Variants in KCNMB2 observed in about 807,000 individuals in gnomAD.
KCNMB2 encodes the protein potassium calcium-activated channel subfamily M regulatory beta subunit 2, also known as calcium-activated potassium channel subunit beta-2.
Under a neutral mutation model 24.5 loss-of-function variants are expected in KCNMB2, and 9 were observed. The ratio of observed to expected loss-of-function variants is 0.37; its 90% confidence interval spans 0.22 to 0.64. The LOEUF (loss-of-function observed/expected upper bound fraction) is 0.64. Among genes scored for constraint, KCNMB2 ranks in the 30% least tolerant of loss-of-function variants. The pLI, the probability that KCNMB2 is intolerant of heterozygous loss-of-function variation, is 0.63. For synonymous variants in KCNMB2, 109 were observed against 104.4 expected (o/e 1.04, Z -0.27); for missense variants, 226 against 284.3 (o/e 0.79, Z 1.47).
chr3:178,727,293 T>C (rs13082447), intron 1 of KCNMB2, among the ~76,000 whole-genome samples: 17,720 of 152,088 alleles, frequency 0.12, 1,113 homozygotes, highest in Non-Finnish European at 0.14. Context: ...TGAATAATTT[T>C]AGTTTCGCCT....
intron 1 of KCNMB2, among the ~76,000 whole-genome samples, chr3:178,761,562 TTTTGCC>T (rs1409143654): frequency 1.3e-5 from 2 of 152,166 alleles, no homozygotes; most frequent in Non-Finnish European, 2.9e-5. Flanking sequence ...TGGCTTGTCA[TTTTGCC>T]TTTTCGTGCC....
intron 1 of KCNMB2, among the ~76,000 whole-genome samples, chr3:178,654,139 A>G (rs904419803): frequency 3.9e-5 from 6 of 152,158 alleles, no homozygotes; most frequent in African/African-American, 1.4e-4. Context: ...AGTGTTTTAC[A>G]TGATTATTCT....
intron 1 of KCNMB2, among the ~76,000 whole-genome samples, chr3:178,578,809 A>G (rs1717090784): frequency 6.6e-6 from 1 of 152,260 alleles, no homozygotes; most frequent in African/African-American, 2.4e-5. Flanking sequence ...AGATCAATGT[A>G]ATGAGAAGAG....
chr3:178,734,288 T>A (rs563665007), intron 1 of KCNMB2, among the ~76,000 whole-genome samples: 5 of 152,356 alleles, frequency 3.3e-5, no homozygotes, highest in African/African-American at 1.2e-4. Context: ...TTTCCACTTG[T>A]GGCATCATGC....
intron 4 of KCNMB2, among the ~76,000 whole-genome samples, chr3:178,839,334 C>T (rs1553784106): frequency 6.6e-6 from 1 of 151,372 alleles, no homozygotes; most frequent in Non-Finnish European, 1.5e-5. Flanking sequence ...AGAAAAACTA[C>T]AAAAAAGTGA....
chr3:178,828,496 C>G, intron 4 of KCNMB2, 123 bp downstream of exon 4: 3 of 653,760 alleles, frequency 4.6e-6, no homozygotes, highest in Non-Finnish European at 7.8e-6. Context: ...GAGCCTGCCT[C>G]TTCCATTCAG....
intron 1 of KCNMB2, among the ~76,000 whole-genome samples, chr3:178,703,837 T>A (rs13316899): frequency 6.6e-6 from 1 of 152,138 alleles, no homozygotes; most frequent in South Asian, 2.1e-4. Context: ...TCAAAAGGAA[T>A]TCATCTGTGA....
chr3:178,577,588 G>A (rs1194145899), intron 1 of KCNMB2, among the ~76,000 whole-genome samples: 8 of 152,148 alleles, frequency 5.3e-5, no homozygotes, highest in African/African-American at 1.7e-4. Flanking sequence ...AAAGGAGCAC[G>A]TTCTAACCCA....
chr3:178,608,951 A>T (rs1382713943), intron 1 of KCNMB2, among the ~76,000 whole-genome samples: 1 of 152,224 alleles, frequency 6.6e-6, no homozygotes, highest in Non-Finnish European at 1.5e-5. Context: ...CGACAAACAC[A>T]GGAGTGCAAC....
At chr3:178,569,137 A>C (rs758106017) in intron 1 of KCNMB2, among the ~76,000 whole-genome samples, 16 of 152,102 alleles carry the variant, frequency 1.1e-4, no homozygotes, top group Non-Finnish European at 2.2e-4. Flanking sequence ...ATTTTCCAGA[A>C]GTTTTTCCCC....
chr3:178,792,486 C>T (rs937839987), intron 1 of KCNMB2, among the ~76,000 whole-genome samples: 5 of 151,614 alleles, frequency 3.3e-5, no homozygotes, highest in Middle Eastern at 6.8e-3. Flanking sequence ...AAAATGAACA[C>T]GGGAAGAAAA....
intron 1 of KCNMB2, among the ~76,000 whole-genome samples, chr3:178,797,839 G>A (rs1393041095): frequency 2.0e-5 from 3 of 152,158 alleles, no homozygotes; most frequent in Non-Finnish European, 2.9e-5. Context: ...TCTCCTCGAA[G>A]AGGTCCTTCA....
intron 1 of KCNMB2, among the ~76,000 whole-genome samples, chr3:178,569,968 C>T (rs965531436): frequency 1.2e-4 from 19 of 152,142 alleles, no homozygotes; most frequent in African/African-American, 2.4e-4. Context: ...AAACGCAACT[C>T]CTATAGTATT....
chr3:178,771,514 C>T (rs1712361995), intron 1 of KCNMB2, among the ~76,000 whole-genome samples: 1 of 119,390 alleles, frequency 8.4e-6, no homozygotes, highest in Admixed American at 1.0e-4. Context: ...CAGGGTCTCA[C>T]TCTGTCACCC....
intron 1 of KCNMB2, among the ~76,000 whole-genome samples, chr3:178,608,156 A>C (rs1718345413): frequency 6.6e-6 from 1 of 152,230 alleles, no homozygotes; most frequent in Non-Finnish European, 1.5e-5. Flanking sequence ...AAAGTAAAGC[A>C]ACAGACACTA....
At chr3:178,725,394 C>G (rs186026907) in intron 1 of KCNMB2, among the ~76,000 whole-genome samples, 2 of 151,894 alleles carry the variant, frequency 1.3e-5, no homozygotes, top group Non-Finnish European at 2.9e-5. Flanking sequence ...GCCCTCCCCC[C>G]ACCAAAAAAC....
chr3:178,828,886 C>A (rs1019706534), intron 4 of KCNMB2, among the ~76,000 whole-genome samples: 2 of 151,292 alleles, frequency 1.3e-5, no homozygotes, highest in East Asian at 2.0e-4. Context: ...TGAGCATGTA[C>A]AATGTTAAGC....
intron 1 of KCNMB2, among the ~76,000 whole-genome samples, chr3:178,704,308 T>A (rs55737408): frequency 6.6e-6 from 1 of 151,944 alleles, no homozygotes; most frequent in African/African-American, 2.4e-5. Flanking sequence ...TTTTTTATGC[T>A]AGCTGTAAAA....
At chr3:178,647,512 A>G (rs1000212627) in intron 1 of KCNMB2, among the ~76,000 whole-genome samples, 7 of 152,238 alleles carry the variant, frequency 4.6e-5, no homozygotes, top group Non-Finnish European at 7.3e-5. Flanking sequence ...TCCACCACTT[A>G]TAAGCTTAAA....
Sources: gnomAD v4.1 joint callset for allele counts (sites outside exome capture counted in the v4.1 genomes callset) on GRCh38, gnomAD v4.1.1 for gene constraint, MANE v1.5 for transcripts, NCBI Gene and HGNC (gene_info 2026-07-23, HGNC 2026-07-21) for gene names.